The following NUDT14 variants were observed in gnomAD, a reference collection of about 807,000 sequenced individuals.
NUDT14 encodes the protein uridine diphosphate glucose pyrophosphatase NUDT14.
A neutral mutation model predicts 17.5 loss-of-function variants in NUDT14; 22 were observed. That is an observed-to-expected ratio of 1.26 (90% CI 0.90 to 1.80). NUDT14 has a LOEUF of 1.80. Ranked by LOEUF, NUDT14 falls within the 40% of genes most tolerant of loss-of-function variation. The pLI, the probability that NUDT14 is intolerant of heterozygous loss-of-function variation, is 0.00. For missense variants in NUDT14, 296 were observed against 295.6 expected, an observed-to-expected ratio of 1.00 and a Z score of -0.01; for synonymous variants, 129 against 125.8, an observed-to-expected ratio of 1.03 and a Z score of -0.17.
rs1212782797 is a variant in NUDT14 at position 105,181,037 on chromosome 14, C to T, written c.81+92G>A. On this transcript the variant is annotated intron_variant, in intron 1 of 4. Coordinates refer to ENST00000392568, the MANE Select transcript of NUDT14 (RefSeq NM_177533.5). This position sits in a 1 kb window ranked among gnomAD's most constrained non-coding sequence, Gnocchi z 5.0. Reference sequence around the variant, plus strand: ...GGGAGGCGGGGGCGGGGCTCCGGGGCGGGGCCGGCAGCGCGGAAGATGGTG... The same window carrying T: ...GGGAGGCGGGGGCGGGGCTCCGGGGTGGGGCCGGCAGCGCGGAAGATGGTG... 4 of 324,726 alleles carry T rather than the reference C, an allele frequency of 1.2e-5. No homozygotes were observed. The highest frequency in any genetic ancestry group is 1.8e-5 in the Non-Finnish European group (4 of 224,220). 20.1% of individuals were successfully genotyped at this position (324,726 alleles called of 1,614,324 possible). A position where few individuals can be genotyped will look rare whatever the true frequency, so the allele number is the denominator to read the frequency against.
rs1290050961 is a variant in NUDT14, at chr14:105,177,727, G to A, written c.90C>T (p.Ala30=). ...TCTTCATGAAGTCCCAGGACTTCTG[G>A]GCACCATTCTAGAAGGGGCAGGTCA... The part of the protein sequence containing the change: ...PLTLHYRQNG[A]QKSWDFMKTH... The change falls in exon 2 of 5, where the codon GCC becomes GCT. Residue 30 remains alanine (A), a synonymous_variant. Transcript: ENST00000392568. 6.2e-7 allele frequency: 1 copy of A among 1,612,428 alleles called. No homozygotes were observed.
intron 4 of NUDT14, 80 bp downstream of exon 4, chr14:105,176,454 G>T: frequency 8.7e-7 from 1 of 1,150,644 alleles, no homozygotes; most frequent in Non-Finnish European, 1.3e-6. Flanking sequence ...CATCCTGCTT[G>T]CACACTCCCA....
At chr14:105,178,367 C>T (rs1566778374) in intron 1 of NUDT14, among the ~76,000 whole-genome samples, 3 of 152,106 alleles carry the variant, frequency 2.0e-5, no homozygotes, top group Non-Finnish European at 4.4e-5. Context: ...CACCCCTACC[C>T]CCAGTTTCTG....
In NUDT14 at chr14:105,176,535, A is replaced by G; in HGVS notation, c.427T>C (p.Trp143Arg). 1.2e-6 allele frequency: 2 copies of G among 1,610,508 alleles called. No individual in the cohort carries two copies. Among genetic ancestry groups the G allele is most frequent in the Non-Finnish European group, 1.7e-6 (2 of 1,177,938 alleles). Residue 143 changes from tryptophan (W) to arginine (R), a missense_variant and splice_region_variant, in exon 4 of 5, where the codon TGG (tryptophan) becomes CGG (arginine). Trp to Arg is a moderately radical substitution (Grantham distance 101). Coordinates refer to ENST00000392568, the MANE Select transcript of NUDT14 (RefSeq NM_177533.5). ...PSDLRRVATY[W>R]SGVGLTGSRQ... ...GCCTGAGGGCCTGGTCCCACTCACC[A>G]GTATGTGGCGACCCGGCGCAGATCA...
Position 105,173,277 on chromosome 14 carries a change from G to A in NUDT14, c.429-16C>T. ...CACTCCAGACCTACGGGTTGAGACA[G>A]GGTCTGCTGAGTCACCCACGCTGGC... is the stretch of plus-strand genomic sequence containing the variant. On this transcript the variant is annotated splice_polypyrimidine_tract_variant and intron_variant, in intron 4 of 4. Transcript: ENST00000392568. The surrounding 1 kb of genome is among the most constrained non-coding windows in gnomAD (Gnocchi z 4.7). The A allele has an allele frequency of 6.7e-7, 1 of 1,498,628 alleles. No individual in the cohort carries two copies. The highest frequency in any genetic ancestry group is 8.9e-7 in the Non-Finnish European group (1 of 1,123,594). The allele number at this position is 1,498,628 out of a possible 1,614,324, so 92.8% of individuals were successfully genotyped here.
At position 105,181,178 on chromosome 14, in the gene NUDT14, C is replaced by T. The variant is rs1193673277; in HGVS notation, c.32G>A (p.Arg11His). The T allele has an allele frequency of 7.6e-6, 9 of 1,182,828 alleles. No individual in the cohort carries two copies. The Admixed American group carries it at 1.6e-4, about 21-fold the overall frequency. The allele number at this position is 1,182,828 out of a possible 1,614,324, so 73.3% of individuals were successfully genotyped here. Residue 11 changes from arginine (R) to histidine (H), a missense_variant, in exon 1 of 5, where the codon CGC becomes CAC. By Grantham distance (29) the Arg-to-His change is conservative (BLOSUM62 0). Coordinates refer to ENST00000392568, the MANE Select transcript of NUDT14 (RefSeq NM_177533.5). This position sits in a 1 kb window ranked among gnomAD's most constrained non-coding sequence, Gnocchi z 5.0. ...CCGCAGGTAGGGTGAGGCGGCGCAG[C>T]GGCCCACGGACGCCCCCTCGATGCG... MERIEGASVGRCAASPYLRPL... is the reference protein window; with the variant it reads MERIEGASVGHCAASPYLRPL...
Position 105,173,484 on chromosome 14 carries a change from G to A in NUDT14, c.429-223C>T. 1 of 414,600 alleles carries A rather than the reference G, an allele frequency of 2.4e-6. No individual in the cohort carries two copies. The highest frequency in any genetic ancestry group is 4.2e-6 in the Non-Finnish European group (1 of 238,518). The allele number at this position is 414,600 out of a possible 1,614,324, so 25.7% of individuals were successfully genotyped here. A position where few individuals can be genotyped will look rare whatever the true frequency, so the allele number is the denominator to read the frequency against. On this transcript the variant is annotated intron_variant, in intron 4 of 4. Transcript: ENST00000392568. The surrounding 1 kb of genome is among the most constrained non-coding windows in gnomAD (Gnocchi z 4.7). ...TCCCTGATCACGTTGTACTCGCCAG[G>A]TGGGGTGGGTGTTGTCGATGTGATT... is the stretch of plus-strand genomic sequence containing the variant.
At chr14:105,175,578 T>C (rs765063283) in intron 4 of NUDT14, 2 of 285,190 alleles carry the variant, frequency 7.0e-6, no homozygotes, top group Non-Finnish European at 1.1e-5. Flanking sequence ...ATTTTGTACT[T>C]TTAGCAGAGG....
Position 105,173,572 on chromosome 14 carries a change from G to A in NUDT14, c.429-311C>T, listed in dbSNP as rs759433798. On this transcript the variant is annotated intron_variant, in intron 4 of 4. Coordinates refer to ENST00000392568, the MANE Select transcript of NUDT14 (RefSeq NM_177533.5). The surrounding 1 kb of genome is among the most constrained non-coding windows in gnomAD (Gnocchi z 4.7). ...AGAGCATCCTAGGCGGGCATGGCCC[G>A]ATCACGAAGCCCTCCAGAGGGTGTT... is the stretch of plus-strand genomic sequence containing the variant. 8 of 259,952 alleles carry A rather than the reference G, an allele frequency of 3.1e-5. No homozygotes were observed. Among genetic ancestry groups the A allele is most frequent in the South Asian group, 1.7e-4 (1 of 5,870 alleles). The allele number at this position is 259,952 out of a possible 1,614,324, so 16.1% of individuals were successfully genotyped here.
In NUDT14 at chr14:105,176,693, T is replaced by C; in HGVS notation, c.269A>G (p.Gln90Arg). 2 of 1,612,744 alleles carry C rather than the reference T, an allele frequency of 1.2e-6. No individual in the cohort carries two copies. The highest frequency in any genetic ancestry group is 1.7e-6 in the Non-Finnish European group (2 of 1,179,968). Residue 90 changes from glutamine to arginine, a missense_variant, in exon 4 of 5, where the codon CAG becomes CGG. By Grantham distance (43) the Gln-to-Arg change is conservative. Transcript: ENST00000392568. ...AVDQDGPREL[Q>R]PALPGSAGVT... ...CCCCGCTGAGCCGGGCAGGGCTGGC[T>C]GTAGCTCCCGAGGCCCGTCCTGGTC...
At chr14:105,176,795 T>C in intron 3 of NUDT14, 24 bp from the exon 4 acceptor site, 1 of 1,605,906 alleles carries the variant, frequency 6.2e-7, no homozygotes, top group South Asian at 1.1e-5. Context: ...AGCCAGACTG[T>C]GCTCACAGCC....
At chr14:105,177,645 C>T (rs1347068554) in intron 2 of NUDT14, 47 bp downstream of exon 2, 4 of 1,588,574 alleles carry the variant, frequency 2.5e-6, no homozygotes, top group Non-Finnish European at 3.5e-6. Context: ...TCCCCGTAGA[C>T]ATCAGTCTGG....
Position 105,177,038 on chromosome 14 carries a change from G to A in NUDT14, c.126-11C>T, listed in dbSNP as rs368542670. On this transcript the variant is annotated splice_polypyrimidine_tract_variant and intron_variant, in intron 2 of 4. Transcript: ENST00000392568. ...AAGAGAACGGTCACGCTGTGTACGG[G>A]GGGAGGGGCTCAGCACAGAAGCACT... 1.2e-6 allele frequency: 2 copies of A among 1,610,466 alleles called. No homozygotes were observed. The highest frequency in any genetic ancestry group is 2.7e-5 in the African/African-American group (2 of 74,872).
chr14:105,177,260 C>CG (rs1452069471), intron 2 of NUDT14: 41 of 642,870 alleles, frequency 6.4e-5, no homozygotes, highest in East Asian at 5.6e-4. Flanking sequence ...GGATGGGAGG[C>CG]GGGGGGCAGG....
chr14:105,174,882 C>CA (rs770575152), intron 4 of NUDT14, among the ~76,000 whole-genome samples: 10 of 152,190 alleles, frequency 6.6e-5, no homozygotes, highest in Non-Finnish European at 1.2e-4. Flanking sequence ...CCTCCAGAAT[C>CA]AGAGACAGGG....
In NUDT14 at chr14:105,173,948, G is replaced by A. The variant is rs1258296157; in HGVS notation, c.429-687C>T. Among the ~76,000 whole-genome samples, 1 of 152,082 alleles carries A rather than the reference G, an allele frequency of 6.6e-6. No individual in the cohort carries two copies. On this transcript the variant is annotated intron_variant, in intron 4 of 4. Coordinates refer to ENST00000392568, the MANE Select transcript of NUDT14 (RefSeq NM_177533.5). This position sits in a 1 kb window ranked among gnomAD's most constrained non-coding sequence, Gnocchi z 4.7. ...ACCCCAGCCCATACCCGGGGACACAGGCTGGCTGGGAAGCAGGGACAAACC... is the reference window on the plus strand; with the variant it reads ...ACCCCAGCCCATACCCGGGGACACAAGCTGGCTGGGAAGCAGGGACAAACC...
In NUDT14 at chr14:105,176,553, G is replaced by A. The variant is rs587661158; in HGVS notation, c.409C>T (p.Arg137Cys). 58 of 1,612,532 alleles carry A rather than the reference G, an allele frequency of 3.6e-5. No homozygotes were observed. In the Admixed American group the frequency reaches 6.0e-4, roughly 17 times the overall value. Reference sequence around the variant, plus strand: ...ACTCACCAGTATGTGGCGACCCGGCGCAGATCAGAGGGGGCCAAGTGGTAG... The same window carrying A: ...ACTCACCAGTATGTGGCGACCCGGCACAGATCAGAGGGGGCCAAGTGGTAG... ...CGYHLAPSDL[R>C]RVATYWSGVG... Residue 137 changes from arginine to cysteine, a missense_variant, in exon 4 of 5, where the codon CGC (arginine) becomes TGC (cysteine). By Grantham distance (180) the Arg-to-Cys change is radical. Coordinates refer to ENST00000392568, the MANE Select transcript of NUDT14 (RefSeq NM_177533.5).
intron 1 of NUDT14, 141 bp from the exon 2 acceptor site, chr14:105,177,876 C>T (rs1161652543): frequency 2.9e-6 from 2 of 699,782 alleles, no homozygotes; most frequent in Admixed American, 5.3e-5. Context: ...CCAGGAACTG[C>T]AGCTCCCGTG....
chr14:105,173,125 C>A lies in NUDT14; in HGVS notation c.565G>T (p.Ala189Ser), dbSNP rs747955490. Residue 189 changes from alanine (A) to serine (S), a missense_variant, in exon 5 of 5, where the codon GCC becomes TCC. Ala to Ser is a moderately conservative substitution (Grantham distance 99, BLOSUM62 1). Coordinates refer to ENST00000392568, the MANE Select transcript of NUDT14 (RefSeq NM_177533.5). The surrounding 1 kb of genome is among the most constrained non-coding windows in gnomAD (Gnocchi z 4.7). ...TCCGGGTCGTCTGCAAAGGCCTGGG[C>A]GCCTTCCAGGGGCAGGTGCACCACC... ...IEVVHLPLEG[A>S]QAFADDPDIP... 3 of 1,606,458 alleles carry A rather than the reference C, an allele frequency of 1.9e-6. No individual in the cohort carries two copies. The highest frequency in any genetic ancestry group is 2.5e-6 in the Non-Finnish European group (3 of 1,177,184).
Sources: allele counts gnomAD v4.1 joint callset (sites outside exome capture counted in the v4.1 genomes callset), GRCh38; gene constraint gnomAD v4.1.1; non-coding constraint Gnocchi (gnomAD v3.1); transcripts MANE v1.5; gene names NCBI Gene and HGNC (gene_info 2026-07-23, HGNC 2026-07-21).